Variants in GRM7 observed in about 807,000 individuals in gnomAD.
GRM7 encodes metabotropic glutamate receptor 7.
A neutral mutation model predicts 84.5 loss-of-function variants in GRM7; 35 were observed. The observed-to-expected ratio is 0.41, with a 90% confidence interval of 0.32 to 0.55. The LOEUF is 0.55. Among genes scored for constraint, GRM7 ranks in the 20% least tolerant of loss-of-function variants. GRM7 has a pLI of 0.19. For missense variants in GRM7, 1,003 were observed against 1,194.6 expected (o/e 0.84, Z 2.36); for synonymous variants, 487 against 455.1 (o/e 1.07, Z -0.89).
At chr3:7,164,946 GA>G (rs1481120830) in intron 2 of GRM7, among the ~76,000 whole-genome samples, 1 of 152,162 alleles carries the variant, frequency 6.6e-6, no homozygotes, top group African/African-American at 2.4e-5. Context: ...AACTAAAAAG[GA>G]GTCTTCAGGG....
intron 1 of GRM7, among the ~76,000 whole-genome samples, chr3:6,970,856 C>G (rs1209174100): frequency 6.6e-6 from 1 of 152,102 alleles, no homozygotes; most frequent in East Asian, 1.9e-4. Context: ...GTGGCGGGCG[C>G]CTGTAGTCCC....
intron 8 of GRM7, among the ~76,000 whole-genome samples, chr3:7,652,812 C>A (rs1488494718): frequency 6.6e-6 from 1 of 152,212 alleles, no homozygotes; most frequent in African/African-American, 2.4e-5. Flanking sequence ...TTTTCTGAGA[C>A]CAGCTGTATG....
chr3:7,729,042 C>CT (rs5846541), intron 9 of GRM7, among the ~76,000 whole-genome samples: 1 of 55,830 alleles, frequency 1.8e-5, no homozygotes. Flanking sequence ...TGCCCTCAGG[C>CT]TTTTTTTTTT....
intron 2 of GRM7, among the ~76,000 whole-genome samples, chr3:7,239,209 C>A (rs556228772): frequency 9.3e-4 from 142 of 152,050 alleles, no homozygotes; most frequent in Middle Eastern, 6.8e-3. Flanking sequence ...CCATATTGTC[C>A]AGGCTGGTCT....
At chr3:7,444,373 G>A (rs1697417666) in intron 5 of GRM7, among the ~76,000 whole-genome samples, 1 of 152,128 alleles carries the variant, frequency 6.6e-6, no homozygotes. Flanking sequence ...GTAGAAATTT[G>A]GCTTAAGAAA....
chr3:7,715,169 A>G (rs1052828375), intron 9 of GRM7, among the ~76,000 whole-genome samples: 4 of 152,180 alleles, frequency 2.6e-5, no homozygotes, highest in African/African-American at 9.7e-5. Context: ...ACAAAAGGAA[A>G]GCAATGGTGG....
intron 2 of GRM7, among the ~76,000 whole-genome samples, chr3:7,205,915 G>A (rs1696221962): frequency 6.6e-6 from 1 of 152,152 alleles, no homozygotes; most frequent in Non-Finnish European, 1.5e-5. Context: ...ATAGAATTGA[G>A]CTATGTGTCT....
intron 1 of GRM7, among the ~76,000 whole-genome samples, chr3:6,950,838 C>T (rs898351317): frequency 1.8e-4 from 27 of 152,348 alleles, no homozygotes; most frequent in African/African-American, 5.8e-4. Context: ...GCTCCATGGG[C>T]GTAGGACCCT....
At chr3:7,030,602 C>T (rs1358186866) in intron 1 of GRM7, among the ~76,000 whole-genome samples, 1 of 152,110 alleles carries the variant, frequency 6.6e-6, no homozygotes, top group Non-Finnish European at 1.5e-5. Flanking sequence ...TTATGAAGGG[C>T]ACAATCTGAG....
intron 2 of GRM7, among the ~76,000 whole-genome samples, chr3:7,149,743 G>T (rs1278443359): frequency 6.6e-6 from 1 of 152,152 alleles, no homozygotes; most frequent in Non-Finnish European, 1.5e-5. Context: ...CTCATAGAAA[G>T]AATGAAATTA....
At chr3:7,487,784 T>A (rs1330971524) in intron 7 of GRM7, among the ~76,000 whole-genome samples, 2 of 152,156 alleles carry the variant, frequency 1.3e-5, no homozygotes, top group South Asian at 2.1e-4. Flanking sequence ...CAGAGAGCCT[T>A]CACTAAAACA....
intron 1 of GRM7, among the ~76,000 whole-genome samples, chr3:7,092,972 G>T (rs1698723049): frequency 6.6e-6 from 1 of 152,058 alleles, no homozygotes; most frequent in African/African-American, 2.4e-5. Flanking sequence ...AGTCCCAGCT[G>T]CTTGGGAGAC....
At chr3:7,538,402 A>G (rs1207965550) in intron 7 of GRM7, among the ~76,000 whole-genome samples, 4 of 152,144 alleles carry the variant, frequency 2.6e-5, no homozygotes, top group Non-Finnish European at 4.4e-5. Context: ...ATGAGCCACA[A>G]TGTTCGGCCC....
intron 1 of GRM7, among the ~76,000 whole-genome samples, chr3:7,038,008 T>C (rs1329932867): frequency 6.6e-6 from 1 of 152,154 alleles, no homozygotes; most frequent in Non-Finnish European, 1.5e-5. Flanking sequence ...TTTCTTCTGA[T>C]GAATTATAAT....
chr3:7,368,297 A>T (rs1275197780), intron 4 of GRM7, among the ~76,000 whole-genome samples: 1 of 152,060 alleles, frequency 6.6e-6, no homozygotes, highest in Non-Finnish European at 1.5e-5. Context: ...AACTGGAATG[A>T]TATATTATTA....
At chr3:7,353,429 C>T (rs768599311) in intron 4 of GRM7, among the ~76,000 whole-genome samples, 44 of 151,822 alleles carry the variant, frequency 2.9e-4, no homozygotes, top group Admixed American at 1.5e-3. Flanking sequence ...GTGTTGCAGC[C>T]GGGGAAGTTA....
At chr3:7,036,561 A>G (rs549104506) in intron 1 of GRM7, among the ~76,000 whole-genome samples, 1 of 152,336 alleles carries the variant, frequency 6.6e-6, no homozygotes, top group Non-Finnish European at 1.5e-5. Context: ...ATGATGGGGT[A>G]TAGTCCAACT....
intron 7 of GRM7, among the ~76,000 whole-genome samples, chr3:7,576,559 A>G (rs1434507037): frequency 6.6e-6 from 1 of 152,222 alleles, no homozygotes; most frequent in Non-Finnish European, 1.5e-5. Flanking sequence ...TTCATTCAGT[A>G]TATTAACACA....
intron 7 of GRM7, among the ~76,000 whole-genome samples, chr3:7,467,178 C>G (rs73015574): frequency 0.16 from 23,704 of 152,100 alleles, 2,035 homozygotes; most frequent in South Asian, 0.32. Flanking sequence ...ACCTCCGCCT[C>G]CCAGGTTCAA....
Sources: allele counts gnomAD v4.1 joint callset (sites outside exome capture counted in the v4.1 genomes callset), GRCh38; gene constraint gnomAD v4.1.1; transcripts MANE v1.5; gene names NCBI Gene and HGNC (gene_info 2026-07-23, HGNC 2026-07-21).